Variants in SOD2 observed in about 807,000 individuals in gnomAD.
The protein encoded by SOD2 is superoxide dismutase 2.
In SOD2, 11 loss-of-function variants were observed where a neutral mutation model predicts 27.0. The observed-to-expected ratio is 0.41, with a 90% CI of 0.26 to 0.67. SOD2 has a LOEUF of 0.67. Among genes scored for constraint, SOD2 ranks in the 30% least tolerant of loss-of-function variants. SOD2 has a pLI of 0.34. For synonymous variants in SOD2, 105 were observed against 103.0 expected (o/e 1.02, Z -0.12); for missense variants, 250 against 274.5 (o/e 0.91, Z 0.63).
chr6:159,738,981 T>A, intron 1 of SOD2: 1 of 1,605,442 alleles, frequency 6.2e-7, no homozygotes, highest in Non-Finnish European at 8.5e-7. Context: ...ATTGTAATTC[T>A]CTTTATAGGT....
At chr6:159,692,332 G>T in intron 2 of SOD2, 1 of 1,049,702 alleles carries the variant, frequency 9.5e-7, no homozygotes, top group Non-Finnish European at 1.2e-6. Context: ...AAAAACGAGT[G>T]ACACAGTAGA....
At chr6:159,742,551 TA>T (rs1227348726) in intron 1 of SOD2, among the ~76,000 whole-genome samples, 11 of 152,194 alleles carry the variant, frequency 7.2e-5, no homozygotes, top group Admixed American at 2.6e-4. Context: ...AATCAATATA[TA>T]TAACTTAATA....
At chr6:159,730,174 C>A (rs942855046), upstream of SOD2, among the ~76,000 whole-genome samples, 2 of 152,162 alleles carry the variant, frequency 1.3e-5, no homozygotes, top group African/African-American at 4.8e-5. Flanking sequence ...TAGCTGATCA[C>A]CTAATGACTA....
chr6:159,738,877 A>C, intron 1 of SOD2: 2 of 689,276 alleles, frequency 2.9e-6, no homozygotes, highest in Non-Finnish European at 4.6e-6. Flanking sequence ...AAAAAATCAT[A>C]ATATGTACTG....
At chr6:159,688,517 T>C (rs201726149) in intron 2 of SOD2, among the ~76,000 whole-genome samples, 3 of 50,570 alleles carry the variant, frequency 5.9e-5, no homozygotes, top group Non-Finnish European at 1.7e-4. Flanking sequence ...TTTTAGGAAA[T>C]GAAACACCAA....
At chr6:159,741,257 C>T (rs1424167430) in intron 1 of SOD2, among the ~76,000 whole-genome samples, 1 of 152,104 alleles carries the variant, frequency 6.6e-6, no homozygotes, top group Non-Finnish European at 1.5e-5. Context: ...CAACGGTCCC[C>T]TTGTATTCTG....
intron 3 of SOD2, among the ~76,000 whole-genome samples, chr6:159,686,881 G>A (rs1176220746): frequency 6.6e-6 from 1 of 152,094 alleles, no homozygotes; most frequent in Non-Finnish European, 1.5e-5. Context: ...TGCCCTCCCT[G>A]GGTGAAGAAG....
upstream of SOD2, chr6:159,748,295 T>C: frequency 6.2e-7 from 1 of 1,613,968 alleles, no homozygotes; most frequent in East Asian, 2.2e-5. This position sits in a 1 kb window ranked among gnomAD's most constrained non-coding sequence, Gnocchi z 5.6. Context: ...AAATGAAAGG[T>C]GAACTGGAAC....
chr6:159,724,970 AGAAAG>A (rs1583049858), intron 1 of SOD2, among the ~76,000 whole-genome samples: 1 of 152,020 alleles, frequency 6.6e-6, no homozygotes, highest in African/African-American at 2.4e-5. Context: ...GAAAAGAAAA[AGAAAG>A]GAAAGGGAAG....
rs559706411 is a variant in SOD2 at position 159,683,745 on chromosome 6, C to T, written c.524-1107G>A. Among the ~76,000 whole-genome samples, 11 of 152,284 alleles carry T rather than the reference C, an allele frequency of 7.2e-5. No individual in the cohort carries two copies. The South Asian group carries it at 2.3e-3, about 32-fold the overall frequency. On this transcript the variant is annotated intron_variant, in intron 4 of 4. Transcript: ENST00000538183. ...CAGCCTTTCTGGTCATGCAGCTCTA[C>T]AAATAACCTGACTCTACAGATCGGT... is the stretch of plus-strand genomic sequence containing the variant.
chr6:159,707,080 G>A (rs1246888310), intron 1 of SOD2, among the ~76,000 whole-genome samples: 1 of 151,930 alleles, frequency 6.6e-6, no homozygotes, highest in Admixed American at 6.6e-5. Flanking sequence ...CGAGAACAAA[G>A]ACACAACATA....
In SOD2 at chr6:159,674,694, G is replaced by A. The variant is rs904460573; in HGVS notation, c.*7799C>T. ...CCCTTTGAAAACTGGCACAAGACAG[G>A]GATGCCCTCTCTCACCACTCCTATT... On this transcript the variant is annotated 3_prime_UTR_variant, in exon 5 of 5. Coordinates refer to ENST00000538183, the MANE Select transcript of SOD2 (RefSeq NM_000636.4). The A allele has an allele frequency of 1.3e-5, 2 of 152,190 alleles. No individual in the cohort carries two copies. The highest frequency in any genetic ancestry group is 2.9e-5 in the Non-Finnish European group (2 of 68,036). 9.4% of individuals were successfully genotyped at this position (152,190 alleles called of 1,614,324 possible).
chr6:159,704,293 C>T (rs1777580311), intron 1 of SOD2, among the ~76,000 whole-genome samples: 1 of 152,152 alleles, frequency 6.6e-6, no homozygotes, highest in South Asian at 2.1e-4. Flanking sequence ...ACAGTGGGTG[C>T]AGAGCACTGA....
intron 1 of SOD2, chr6:159,755,760 CTTTTCTTTTTTTT>C: frequency 3.5e-6 from 1 of 281,890 alleles, no homozygotes; most frequent in African/African-American, 5.3e-5. Flanking sequence ...TTTTTTTTTT[CTTTTCTTTTTTTT>C]TTTTTTTTTT....
At position 159,680,742 on chromosome 6, in the gene SOD2, C is replaced by A. The variant is rs1276353603; in HGVS notation, c.*1751G>T. 1 of 152,014 alleles carries A rather than the reference C, an allele frequency of 6.6e-6. No individual in the cohort carries two copies. The highest frequency in any genetic ancestry group is 1.5e-5 in the Non-Finnish European group (1 of 68,066). 9.4% of individuals were successfully genotyped at this position (152,014 alleles called of 1,614,324 possible). ...CTTGAGGTCAGGAGTTCGAGACCAC[C>A]CTGGCCAACATGGTGAAACCCTGTC... On this transcript the variant is annotated 3_prime_UTR_variant, in exon 5 of 5. Coordinates refer to ENST00000538183, the MANE Select transcript of SOD2 (RefSeq NM_000636.4).
chr6:159,708,724 C>G (rs1777673670), intron 1 of SOD2, among the ~76,000 whole-genome samples: 1 of 152,164 alleles, frequency 6.6e-6, no homozygotes, highest in African/African-American at 2.4e-5. Context: ...AATGCCATCC[C>G]CATCAAGCTA....
At chr6:159,736,332 T>G in intron 1 of SOD2, 2 of 1,515,682 alleles carry the variant, frequency 1.3e-6, no homozygotes, top group Non-Finnish European at 1.8e-6. Flanking sequence ...TGTTTTGTTT[T>G]GGGTTTTTTG....
upstream of SOD2, among the ~76,000 whole-genome samples, chr6:159,747,454 A>G (rs542562737): frequency 6.6e-6 from 1 of 152,328 alleles, no homozygotes; most frequent in East Asian, 1.9e-4. Context: ...TTACAATTCT[A>G]TGATTCGGAT....
intron 1 of SOD2, among the ~76,000 whole-genome samples, chr6:159,712,316 C>A (rs1777818065): frequency 6.7e-6 from 1 of 148,946 alleles, no homozygotes; most frequent in Non-Finnish European, 1.5e-5. Flanking sequence ...AACCACCACT[C>A]ACACTGCTCT....
Sources: allele counts gnomAD v4.1 joint callset (sites outside exome capture counted in the v4.1 genomes callset), GRCh38; gene constraint gnomAD v4.1.1; non-coding constraint Gnocchi (gnomAD v3.1); transcripts MANE v1.5; gene names NCBI Gene and HGNC (gene_info 2026-07-23, HGNC 2026-07-21).